PTPRJ: variants seen among roughly 807,000 people sequenced by gnomAD.
PTPRJ encodes the protein protein tyrosine phosphatase receptor type J, also known as receptor-type tyrosine-protein phosphatase eta.
PTPRJ carries 129 observed loss-of-function variants against 141.3 expected under a neutral mutation model. The ratio of observed to expected loss-of-function variants is 0.91; its 90% CI spans 0.79 to 1.06. The LOEUF (loss-of-function observed/expected upper bound fraction) is 1.06. Among genes scored for constraint, PTPRJ ranks in the 50% least tolerant of loss-of-function variants. The probability of loss-of-function intolerance (pLI) is 0.00; values close to 1 mark genes in which losing one functional copy is unlikely to be tolerated. For missense variants in PTPRJ, 1,601 were observed against 1,679.7 expected, an observed-to-expected ratio of 0.95 and a Z score of 0.82; for synonymous variants, 610 against 640.5, an observed-to-expected ratio of 0.95 and a Z score of 0.72.
intron 4 of PTPRJ, among the ~76,000 whole-genome samples, chr11:48,122,386 A>C (rs1856727648): frequency 6.6e-6 from 1 of 152,188 alleles, no homozygotes; most frequent in Non-Finnish European, 1.5e-5. Flanking sequence ...AGAGGGGCTG[A>C]GTGTCCTTAT....
intron 1 of PTPRJ, among the ~76,000 whole-genome samples, chr11:48,107,376 GT>G (rs1407797261): frequency 1.3e-5 from 2 of 152,186 alleles, no homozygotes; most frequent in Admixed American, 6.5e-5. Context: ...CCGGCGAGGG[GT>G]TTCCCCTCAG....
intron 1 of PTPRJ, among the ~76,000 whole-genome samples, chr11:48,066,968 C>T (rs184679458): frequency 3.9e-4 from 59 of 152,126 alleles, no homozygotes; most frequent in African/African-American, 1.7e-4. Context: ...AAATGAGTCA[C>T]GATTAAATAA....
At chr11:48,157,414 T>C (rs757437679) in intron 21 of PTPRJ, among the ~76,000 whole-genome samples, 2 of 152,264 alleles carry the variant, frequency 1.3e-5, no homozygotes, top group African/African-American at 4.8e-5. Context: ...TGAGTTGTTT[T>C]TAAGTGTAGG....
intron 1 of PTPRJ, among the ~76,000 whole-genome samples, chr11:47,994,183 A>C (rs988317633): frequency 6.6e-6 from 1 of 151,814 alleles, no homozygotes; most frequent in Non-Finnish European, 1.5e-5. Flanking sequence ...TAATATAAAA[A>C]AATTGAAAAT....
chr11:47,995,635 G>A (rs1854314614), intron 1 of PTPRJ, among the ~76,000 whole-genome samples: 1 of 152,220 alleles, frequency 6.6e-6, no homozygotes, highest in Non-Finnish European at 1.5e-5. Flanking sequence ...CAGATTAAGT[G>A]ATGTCATGGT....
At chr11:48,051,943 T>C (rs1162905088) in intron 1 of PTPRJ, among the ~76,000 whole-genome samples, 1 of 152,242 alleles carries the variant, frequency 6.6e-6, no homozygotes, top group Non-Finnish European at 1.5e-5. Context: ...AAATGCAACC[T>C]GGGACACAGT....
Position 48,112,952 on chromosome 11 carries a change from T to G in PTPRJ, c.321T>G (p.Asp107Glu). 1 of 1,614,124 alleles carries G rather than the reference T, an allele frequency of 6.2e-7. No homozygotes were observed. Among genetic ancestry groups the G allele is most frequent in the Non-Finnish European group, 8.5e-7 (1 of 1,179,940 alleles). Reference sequence around the variant, plus strand: ...CTGAACAAGGATCTAATGGGACTGATGGGGCATCTCAAAAAACTCCCAGTA... The same window carrying G: ...CTGAACAAGGATCTAATGGGACTGAGGGGGCATCTCAAAAAACTCCCAGTA... ...RTPEQGSNGTDGASQKTPSST... is the reference protein window; with the variant it reads ...RTPEQGSNGTEGASQKTPSST... Residue 107 changes from aspartate to glutamate, a missense_variant, in exon 3 of 25, where the codon GAT becomes GAG. By Grantham distance (45) the Asp-to-Glu change is conservative. Transcript: ENST00000418331.
At chr11:48,070,391 A>G (rs1224421397) in intron 1 of PTPRJ, among the ~76,000 whole-genome samples, 1 of 151,792 alleles carries the variant, frequency 6.6e-6, no homozygotes, top group African/African-American at 2.4e-5. Context: ...AATCCCAGCT[A>G]CTAGGGAGGC....
At chr11:48,126,562 C>A (rs536741882) in intron 6 of PTPRJ, among the ~76,000 whole-genome samples, 1 of 152,138 alleles carries the variant, frequency 6.6e-6, no homozygotes, top group Admixed American at 6.5e-5. Flanking sequence ...TCTTCCTCTT[C>A]CAGGTTGCAG....
chr11:48,100,712 G>T (rs1856128358), intron 1 of PTPRJ, among the ~76,000 whole-genome samples: 1 of 152,010 alleles, frequency 6.6e-6, no homozygotes, highest in Admixed American at 6.6e-5. Context: ...GTGAAACCCT[G>T]TCTCTACTAA....
intron 3 of PTPRJ, among the ~76,000 whole-genome samples, chr11:48,115,352 G>A (rs569035818): frequency 7.9e-5 from 12 of 152,310 alleles, no homozygotes; most frequent in African/African-American, 2.6e-4. Context: ...GCTAGCAGCA[G>A]ACTTCTCAGC....
intron 4 of PTPRJ, among the ~76,000 whole-genome samples, chr11:48,122,815 C>T (rs965778903): frequency 2.6e-5 from 4 of 152,116 alleles, no homozygotes; most frequent in East Asian, 1.9e-4. Flanking sequence ...TCATCTAGGC[C>T]GATGTCTTTA....
At chr11:48,016,900 C>G (rs915525427) in intron 1 of PTPRJ, among the ~76,000 whole-genome samples, 1 of 151,958 alleles carries the variant, frequency 6.6e-6, no homozygotes, top group Non-Finnish European at 1.5e-5. Context: ...CAGGGACCGT[C>G]TATTATTTTC....
At chr11:47,988,202 T>C (rs1461990643) in intron 1 of PTPRJ, among the ~76,000 whole-genome samples, 2 of 152,152 alleles carry the variant, frequency 1.3e-5, no homozygotes, top group African/African-American at 2.4e-5. Flanking sequence ...TGAATCTTTC[T>C]TGGGGGGGAA....
chr11:48,063,142 A>G (rs1166223147), intron 1 of PTPRJ, among the ~76,000 whole-genome samples: 1 of 152,174 alleles, frequency 6.6e-6, no homozygotes, highest in Admixed American at 6.5e-5. Flanking sequence ...AGCCTGGCCA[A>G]TGTGGTGAAA....
In PTPRJ at chr11:48,163,547, C is replaced by T. The variant is rs2229704; in HGVS notation, c.3648C>T (p.Ile1216=). 1 of 1,614,000 alleles carries T rather than the reference C, an allele frequency of 6.2e-7. No homozygotes were observed. The highest frequency in any genetic ancestry group is 1.3e-5 in the African/African-American group (1 of 75,054). ...HGVPDTTDLL[I]NFRYLVRDYM... ...TTCCCGACACCACTGACCTGCTCAT[C>T]AACTTCCGGTACCTCGTTCGTGACT... The change falls in exon 23 of 25, where the codon ATC becomes ATT. Residue 1216 remains isoleucine (I), a synonymous_variant. Coordinates refer to ENST00000418331, the MANE Select transcript of PTPRJ (RefSeq NM_002843.4).
chr11:48,018,668 G>C (rs1005797952), intron 1 of PTPRJ, among the ~76,000 whole-genome samples: 2 of 152,230 alleles, frequency 1.3e-5, no homozygotes, highest in African/African-American at 2.4e-5. Context: ...GTGTCAGCGA[G>C]GGGGAGGGGC....
intron 1 of PTPRJ, among the ~76,000 whole-genome samples, chr11:48,035,092 C>A (rs1854084774): frequency 6.6e-6 from 1 of 152,180 alleles, no homozygotes; most frequent in South Asian, 2.1e-4. Context: ...TCACATGTTC[C>A]TTCCCTGGTG....
intron 1 of PTPRJ, among the ~76,000 whole-genome samples, chr11:48,099,381 T>C (rs1856096198): frequency 6.6e-5 from 10 of 152,236 alleles, no homozygotes; most frequent in Admixed American, 6.5e-4. Context: ...TTAACGCTTG[T>C]AAGTAAAGTT....
Sources: gnomAD v4.1 joint callset for allele counts (sites outside exome capture counted in the v4.1 genomes callset) on GRCh38, gnomAD v4.1.1 for gene constraint, MANE v1.5 for transcripts, NCBI Gene and HGNC (gene_info 2026-07-23, HGNC 2026-07-21) for gene names.